SDC2: variants seen among roughly 807,000 people sequenced by gnomAD.
SDC2 encodes syndecan 2, also known as syndecan-2.
A neutral mutation model predicts 22.2 loss-of-function variants in SDC2; 13 were observed. That is an observed-to-expected ratio of 0.59 (90% CI 0.38 to 0.93). SDC2 has a LOEUF of 0.93. Among genes scored for constraint, SDC2 ranks in the 40% least tolerant of loss-of-function variants. The pLI is 0.00. For synonymous variants in SDC2, 94 were observed against 92.8 expected, an observed-to-expected ratio of 1.01 and a Z score of -0.07; for missense variants, 235 against 246.8, an observed-to-expected ratio of 0.95 and a Z score of 0.32.
chr8:96,501,295 CTTTTTTTTT>C (rs35998270), intron 1 of SDC2, among the ~76,000 whole-genome samples: 36 of 55,160 alleles, frequency 6.5e-4, no homozygotes, highest in African/African-American at 1.9e-3. Context: ...ATACGTATTT[CTTTTTTTTT>C]TTTTTTTTTT....
chr8:96,583,232 A>T (rs1311475567), intron 1 of SDC2, among the ~76,000 whole-genome samples: 1 of 145,454 alleles, frequency 6.9e-6, no homozygotes, highest in East Asian at 2.0e-4. Context: ...GATTACAAGC[A>T]TGAGTCACTG....
intron 1 of SDC2, among the ~76,000 whole-genome samples, chr8:96,550,571 G>C (rs1814010622): frequency 6.6e-6 from 1 of 152,040 alleles, no homozygotes; most frequent in Admixed American, 6.6e-5. Flanking sequence ...GTGACATAGG[G>C]AGTTTTGCTC....
At chr8:96,567,518 T>G (rs910318520) in intron 1 of SDC2, among the ~76,000 whole-genome samples, 1 of 152,216 alleles carries the variant, frequency 6.6e-6, no homozygotes, top group East Asian at 1.9e-4. Context: ...TTCCCCACTC[T>G]GAGTCTCCAG....
chr8:96,539,595 A>G (rs1813812721), intron 1 of SDC2, among the ~76,000 whole-genome samples: 1 of 152,252 alleles, frequency 6.6e-6, no homozygotes, highest in African/African-American at 2.4e-5. Context: ...GCACTATGCC[A>G]TAGGGATCAA....
chr8:96,579,807 C>G (rs1814561089), intron 1 of SDC2, among the ~76,000 whole-genome samples: 1 of 152,072 alleles, frequency 6.6e-6, no homozygotes, highest in Non-Finnish European at 1.5e-5. Context: ...TAACGTATGG[C>G]TTTCTTTTAT....
chr8:96,601,140 T>G (rs561104594), intron 2 of SDC2, among the ~76,000 whole-genome samples: 18 of 152,236 alleles, frequency 1.2e-4, no homozygotes, highest in Admixed American at 9.8e-4. Flanking sequence ...CACTTGACAG[T>G]GTGCAGTGGT....
chr8:96,556,558 A>T (rs1340587694), intron 1 of SDC2, among the ~76,000 whole-genome samples: 3 of 151,912 alleles, frequency 2.0e-5, no homozygotes, highest in Non-Finnish European at 4.4e-5. Context: ...TGCTGGGAAA[A>T]CTGGCTAGCC....
intron 1 of SDC2, among the ~76,000 whole-genome samples, chr8:96,571,020 C>A (rs1326532773): frequency 3.9e-5 from 6 of 152,170 alleles, no homozygotes; most frequent in Non-Finnish European, 7.4e-5. Flanking sequence ...ATACTGAATG[C>A]CGCTGAACTA....
intron 1 of SDC2, among the ~76,000 whole-genome samples, chr8:96,566,044 A>G (rs919444487): frequency 6.6e-6 from 1 of 152,058 alleles, no homozygotes; most frequent in Non-Finnish European, 1.5e-5. Flanking sequence ...TCCCATCTGT[A>G]AAATGTTGGT....
intron 1 of SDC2, among the ~76,000 whole-genome samples, chr8:96,554,198 C>T (rs1258659703): frequency 6.6e-6 from 1 of 152,126 alleles, no homozygotes; most frequent in Admixed American, 6.5e-5. Flanking sequence ...ATGCCAGATA[C>T]ATGTTTTATA....
intron 1 of SDC2, among the ~76,000 whole-genome samples, chr8:96,546,026 G>C (rs1460193316): frequency 6.6e-6 from 1 of 152,206 alleles, no homozygotes; most frequent in African/African-American, 2.4e-5. Flanking sequence ...ATTCTCAGAA[G>C]AAGGTATAGA....
chr8:96,594,791 A>C (rs971168525), intron 2 of SDC2, among the ~76,000 whole-genome samples: 2 of 152,224 alleles, frequency 1.3e-5, no homozygotes, highest in African/African-American at 4.8e-5. Flanking sequence ...ACTTACAGTC[A>C]TGGCAGAAGG....
intron 1 of SDC2, among the ~76,000 whole-genome samples, chr8:96,540,263 G>T (rs1200424013): frequency 6.6e-6 from 1 of 150,652 alleles, no homozygotes; most frequent in East Asian, 1.9e-4. Flanking sequence ...AGGCCGAGGT[G>T]GGTGGATTGC....
At chr8:96,506,762 A>G (rs923870420) in intron 1 of SDC2, among the ~76,000 whole-genome samples, 1 of 152,196 alleles carries the variant, frequency 6.6e-6, no homozygotes, top group African/African-American at 2.4e-5. Context: ...CTGTAATCCC[A>G]GCACTTTGGG....
At chr8:96,570,968 G>A (rs1176372474) in intron 1 of SDC2, among the ~76,000 whole-genome samples, 1 of 152,114 alleles carries the variant, frequency 6.6e-6, no homozygotes, top group Non-Finnish European at 1.5e-5. Flanking sequence ...ATGATGAAAG[G>A]TCTAGAGATG....
intron 1 of SDC2, 97 bp downstream of exon 1, chr8:96,494,428 C>G (rs956389711): frequency 2.5e-6 from 3 of 1,205,476 alleles, no homozygotes; most frequent in Non-Finnish European, 3.5e-6. Context: ...TGGGGAACCC[C>G]CAGTCCCCAA....
At chr8:96,552,125 C>T (rs1814037925) in intron 1 of SDC2, among the ~76,000 whole-genome samples, 1 of 152,228 alleles carries the variant, frequency 6.6e-6, no homozygotes, top group African/African-American at 2.4e-5. Flanking sequence ...GCTCTTTTCT[C>T]ACGAGGCTTG....
intron 1 of SDC2, among the ~76,000 whole-genome samples, chr8:96,587,321 T>C (rs2130620644): frequency 6.6e-6 from 1 of 152,368 alleles, no homozygotes; most frequent in Non-Finnish European, 1.5e-5. Flanking sequence ...CATGGATGGT[T>C]TGTATGTATA....
intron 1 of SDC2, among the ~76,000 whole-genome samples, chr8:96,557,747 C>T (rs1427786867): frequency 7.9e-5 from 12 of 151,944 alleles, no homozygotes; most frequent in Non-Finnish European, 1.8e-4. Context: ...GCACAATATG[C>T]ACATGGACCC....
Sources: allele counts gnomAD v4.1 joint callset (sites outside exome capture counted in the v4.1 genomes callset), GRCh38; gene constraint gnomAD v4.1.1; transcripts MANE v1.5; gene names NCBI Gene and HGNC (gene_info 2026-07-23, HGNC 2026-07-21).